CNTNAP2: variants seen among roughly 807,000 people sequenced by gnomAD.
The protein encoded by CNTNAP2 is contactin associated protein 2.
Under a neutral mutation model 155.2 loss-of-function variants are expected in CNTNAP2, and 98 were observed. That is an observed-to-expected ratio of 0.63 (90% CI 0.54 to 0.75). CNTNAP2 has a LOEUF of 0.75. Ranked by LOEUF, CNTNAP2 falls within the 30% of genes least tolerant of loss-of-function variation. The probability of loss-of-function intolerance (pLI) is 0.00; values close to 1 mark genes in which losing one functional copy is unlikely to be tolerated. For synonymous variants in CNTNAP2, 651 were observed against 631.2 expected, an observed-to-expected ratio of 1.03 and a Z score of -0.47; for missense variants, 1,727 against 1,688.1, an observed-to-expected ratio of 1.02 and a Z score of -0.40.
intron 21 of CNTNAP2, among the ~76,000 whole-genome samples, chr7:148,363,936 G>A (rs538805468): frequency 3.4e-4 from 52 of 152,210 alleles, no homozygotes; most frequent in Admixed American, 2.6e-3. Context: ...CCGGGCAATG[G>A]GGGACTTAGC....
intron 8 of CNTNAP2, among the ~76,000 whole-genome samples, chr7:147,263,417 G>C (rs1435091328): frequency 6.6e-6 from 1 of 151,876 alleles, no homozygotes; most frequent in African/African-American, 2.4e-5. Flanking sequence ...GATTATCTGG[G>C]AGTCTGCAAG....
intron 10 of CNTNAP2, among the ~76,000 whole-genome samples, chr7:147,452,450 T>A (rs1241248747): frequency 6.6e-6 from 1 of 152,182 alleles, no homozygotes; most frequent in African/African-American, 2.4e-5. Flanking sequence ...TGTTAGTAAA[T>A]GATTTCTAAA....
At chr7:147,950,757 T>C (rs1406361192) in intron 14 of CNTNAP2, among the ~76,000 whole-genome samples, 1 of 152,236 alleles carries the variant, frequency 6.6e-6, no homozygotes, top group Admixed American at 6.5e-5. Flanking sequence ...CACTTTGACC[T>C]TCCTTTTTCT....
At chr7:148,146,504 C>T (rs1013912505) in intron 16 of CNTNAP2, among the ~76,000 whole-genome samples, 4 of 152,154 alleles carry the variant, frequency 2.6e-5, no homozygotes, top group African/African-American at 7.2e-5. Context: ...AATCCATTTG[C>T]CAATTGTTGA....
rs541160563 is a variant in CNTNAP2, at chr7:146,749,622, T to C, written c.98-24649T>C. On this transcript the variant is annotated intron_variant, in intron 1 of 23. Coordinates refer to ENST00000361727, the MANE Select transcript of CNTNAP2 (RefSeq NM_014141.6). ...CTATGTTTTACAAATTTGTCTTTACTATTAGACATCAACTAAAGTAGTTCA... is the reference window on the plus strand; with the variant it reads ...CTATGTTTTACAAATTTGTCTTTACCATTAGACATCAACTAAAGTAGTTCA... 2.0e-5 allele frequency among the ~76,000 whole-genome samples: 3 copies of C among 152,314 alleles called. No homozygotes were observed. In the South Asian group the frequency reaches 6.2e-4, roughly 32 times the overall value.
At chr7:147,375,782 A>T (rs1796423432) in intron 9 of CNTNAP2, among the ~76,000 whole-genome samples, 1 of 151,992 alleles carries the variant, frequency 6.6e-6, no homozygotes, top group South Asian at 2.1e-4. Flanking sequence ...CAACAGTTGT[A>T]CTCATATTTC....
intron 1 of CNTNAP2, among the ~76,000 whole-genome samples, chr7:146,359,598 T>A (rs916554949): frequency 6.6e-6 from 1 of 152,368 alleles, no homozygotes; most frequent in East Asian, 1.9e-4. Context: ...TTATTTATGG[T>A]AGAGTTGTAG....
chr7:147,653,525 AAAAC>A (rs1405524015), intron 13 of CNTNAP2, among the ~76,000 whole-genome samples: 4 of 152,236 alleles, frequency 2.6e-5, no homozygotes, highest in African/African-American at 4.8e-5. Context: ...CTTCCTGTCA[AAAAC>A]AAACAAACAA....
intron 3 of CNTNAP2, among the ~76,000 whole-genome samples, chr7:147,014,021 T>C (rs1450748085): frequency 6.6e-6 from 1 of 152,136 alleles, no homozygotes; most frequent in Non-Finnish European, 1.5e-5. Context: ...AGTTATGAAA[T>C]GGAAAAAGGG....
At chr7:146,614,373 T>A (rs73470625) in intron 1 of CNTNAP2, among the ~76,000 whole-genome samples, 2,066 of 152,312 alleles carry the variant, frequency 0.014, 60 homozygotes, top group African/African-American at 0.048. Flanking sequence ...ATACTGATAC[T>A]ATACATGAAT....
At chr7:147,850,399 A>G (rs1798912440) in intron 13 of CNTNAP2, among the ~76,000 whole-genome samples, 1 of 152,268 alleles carries the variant, frequency 6.6e-6, no homozygotes, top group African/African-American at 2.4e-5. Flanking sequence ...CTTTCTTCAC[A>G]GAATTGGAAA....
chr7:147,857,384 T>A (rs1235748744), intron 13 of CNTNAP2, among the ~76,000 whole-genome samples: 2 of 152,210 alleles, frequency 1.3e-5, no homozygotes, highest in African/African-American at 4.8e-5. Flanking sequence ...CATCTAAATA[T>A]CTACATATTA....
chr7:146,314,868 C>T (rs1800882331), intron 1 of CNTNAP2, among the ~76,000 whole-genome samples: 1 of 152,168 alleles, frequency 6.6e-6, no homozygotes, highest in African/African-American at 2.4e-5. Context: ...TCCTTTAAGA[C>T]ATGAAGAGGT....
intron 1 of CNTNAP2, among the ~76,000 whole-genome samples, chr7:146,685,338 G>A (rs570785751): frequency 6.6e-6 from 1 of 152,036 alleles, no homozygotes; most frequent in South Asian, 2.1e-4. Context: ...TGATTGCCAG[G>A]GTGTTTGAGA....
rs891886136 is a variant in CNTNAP2 at position 148,399,194 on chromosome 7, T to C, written c.3716-10197T>C. Among the ~76,000 whole-genome samples the C allele has an allele frequency of 3.3e-5, 5 of 152,188 alleles. 1 individual carries two copies. The highest frequency in any genetic ancestry group is 3.3e-4 in the Admixed American group (5 of 15,274). On this transcript the variant is annotated intron_variant, in intron 22 of 23. Coordinates refer to ENST00000361727, the MANE Select transcript of CNTNAP2 (RefSeq NM_014141.6). ...TAATATGCCCGTATGGCTTCAGGCT[T>C]TCCACCCTGATCTGGCTGTATCCCG...
intron 1 of CNTNAP2, among the ~76,000 whole-genome samples, chr7:146,514,048 T>C (rs1237757206): frequency 6.6e-6 from 1 of 151,974 alleles, no homozygotes; most frequent in Non-Finnish European, 1.5e-5. Flanking sequence ...CCATTCCACC[T>C]GGCCTGGTTT....
chr7:146,285,009 T>C (rs1800304490), intron 1 of CNTNAP2, among the ~76,000 whole-genome samples: 3 of 152,222 alleles, frequency 2.0e-5, no homozygotes, highest in Admixed American at 2.0e-4. Flanking sequence ...TTCTCTAATA[T>C]ACAGATTCTC....
At chr7:148,373,614 G>A (rs78650159) in intron 21 of CNTNAP2, among the ~76,000 whole-genome samples, 5,677 of 152,256 alleles carry the variant, frequency 0.037, 132 homozygotes, top group South Asian at 0.062. Context: ...ATTATGTGGT[G>A]CCTGACTGTA....
rs1799622870 is a variant in CNTNAP2, at chr7:147,059,465, T to A, written c.550+15411T>A. ...TTTTTTTTTTTTGCAAATAAAAAGA[T>A]ACTCTTGACTGTGATCTTATTTCCA... is the stretch of plus-strand genomic sequence containing the variant. On this transcript the variant is annotated intron_variant, in intron 4 of 23. Transcript: ENST00000361727. 4.7e-5 allele frequency among the ~76,000 whole-genome samples: 7 copies of A among 150,202 alleles called. No individual in the cohort carries two copies. In the Admixed American group the frequency reaches 4.7e-4, roughly 10 times the overall value.
Sources: allele counts gnomAD v4.1 joint callset (sites outside exome capture counted in the v4.1 genomes callset), GRCh38; gene constraint gnomAD v4.1.1; transcripts MANE v1.5; gene names NCBI Gene and HGNC (gene_info 2026-07-23, HGNC 2026-07-21).